The following PPM1L variants were observed in gnomAD, a reference collection of about 807,000 sequenced individuals.
PPM1L encodes the protein protein phosphatase, Mg2+/Mn2+ dependent 1L.
PPM1L carries 13 observed loss-of-function variants against 31.4 expected under a neutral mutation model. That is an observed-to-expected ratio of 0.41 (90% CI 0.27 to 0.66). PPM1L has a LOEUF of 0.66. Ranked by LOEUF, PPM1L falls within the 30% of genes least tolerant of loss-of-function variation. The pLI is 0.29. For missense variants in PPM1L, 326 were observed against 453.7 expected (o/e 0.72, Z 2.56); for synonymous variants, 184 against 175.4 (o/e 1.05, Z -0.39).
chr3:160,852,709 T>G (rs1711563632), intron 1 of PPM1L, among the ~76,000 whole-genome samples: 1 of 152,236 alleles, frequency 6.6e-6, no homozygotes, highest in Non-Finnish European at 1.5e-5. Context: ...GCAACTATGC[T>G]TTTAATATCG....
intron 2 of PPM1L, among the ~76,000 whole-genome samples, chr3:160,988,424 C>CA (rs1294397065): frequency 6.6e-6 from 1 of 152,074 alleles, no homozygotes; most frequent in Admixed American, 6.6e-5. Context: ...GAAGCAGATG[C>CA]AAAAAATCAG....
rs546713923 is a variant in PPM1L, at chr3:161,006,839, C to T, written c.574+44929C>T. Among the ~76,000 whole-genome samples the T allele has an allele frequency of 6.3e-4, 96 of 152,188 alleles. No homozygotes were observed. The East Asian group carries it at 7.8e-3, about 12-fold the overall frequency. On this transcript the variant is annotated intron_variant, in intron 2 of 3. Coordinates refer to ENST00000498165, the MANE Select transcript of PPM1L (RefSeq NM_139245.4). ...CTGGGACCACAGGCACCCGCCACCA[C>T]GCCCAGCTAATTTTTTGTAGTTTTA... is the stretch of plus-strand genomic sequence containing the variant.
intron 1 of PPM1L, among the ~76,000 whole-genome samples, chr3:160,797,222 T>A (rs1289135571): frequency 6.6e-6 from 1 of 152,192 alleles, no homozygotes; most frequent in African/African-American, 2.4e-5. Context: ...TTATTATTAT[T>A]ATATCTGTCC....
intron 2 of PPM1L, among the ~76,000 whole-genome samples, chr3:161,035,210 T>TAAAA (rs63163360): frequency 7.1e-6 from 1 of 139,982 alleles, no homozygotes; most frequent in Non-Finnish European, 1.6e-5. Context: ...AAAGTATAAT[T>TAAAA]AAAAAAAAAA....
intron 2 of PPM1L, among the ~76,000 whole-genome samples, chr3:161,016,607 A>G (rs1718094591): frequency 6.6e-6 from 1 of 152,068 alleles, no homozygotes. Flanking sequence ...TAGATGAGGA[A>G]CTCCTTGCCA....
At chr3:160,995,307 C>T (rs950324986) in intron 2 of PPM1L, among the ~76,000 whole-genome samples, 5 of 151,820 alleles carry the variant, frequency 3.3e-5, no homozygotes, top group African/African-American at 9.7e-5. Context: ...GTTTGTGATA[C>T]GTAGGTAGAG....
Position 160,887,062 on chromosome 3 carries a change from A to G in PPM1L, c.400-74674A>G, listed in dbSNP as rs1177769063. On this transcript the variant is annotated intron_variant, in intron 1 of 3. Transcript: ENST00000498165. ...ATATAGCACAAGAGCTTCGTGAAGC[A>G]TAGATAAGTATCAATAGCTGAATCA... Among the ~76,000 whole-genome samples the G allele has an allele frequency of 2.0e-5, 3 of 151,908 alleles. No individual in the cohort carries two copies. In the East Asian group the frequency reaches 5.8e-4, roughly 30 times the overall value.
intron 1 of PPM1L, among the ~76,000 whole-genome samples, chr3:160,778,632 C>A (rs1267756379): frequency 6.6e-6 from 1 of 152,142 alleles, no homozygotes; most frequent in Non-Finnish European, 1.5e-5. Context: ...AGAGACCTGT[C>A]CCAGTGGTTC....
intron 1 of PPM1L, among the ~76,000 whole-genome samples, chr3:160,774,869 C>T (rs764888884): frequency 6.6e-6 from 1 of 152,210 alleles, no homozygotes; most frequent in Non-Finnish European, 1.5e-5. Flanking sequence ...TAATTTTCCT[C>T]TCCAACCAGG....
rs1417696902 is a variant in PPM1L, at chr3:160,758,363, AAGGAAGCTGTGATTCCTTCCTTTGT to A, written c.399+1658_399+1682del. Among the ~76,000 whole-genome samples the A allele has an allele frequency of 6.6e-5, 10 of 152,280 alleles. No individual in the cohort carries two copies. In the South Asian group the frequency reaches 1.5e-3, roughly 22 times the overall value. Reference sequence around the variant, plus strand: ...TTTGTGCCTAAATTCAATGAGGGTGAAGGAAGCTGTGATTCCTTCCTTTGTAAATCATTTAACAAGCTTATATTTA... The same window carrying A: ...TTTGTGCCTAAATTCAATGAGGGTGAAAATCATTTAACAAGCTTATATTTA... On this transcript the variant is annotated intron_variant, in intron 1 of 3. Coordinates refer to ENST00000498165, the MANE Select transcript of PPM1L (RefSeq NM_139245.4).
chr3:160,998,480 CT>C (rs980077880), intron 2 of PPM1L, among the ~76,000 whole-genome samples: 1 of 151,928 alleles, frequency 6.6e-6, no homozygotes, highest in African/African-American at 2.4e-5. Context: ...TCTTCCCTCC[CT>C]TTTTTTTCCC....
intron 1 of PPM1L, among the ~76,000 whole-genome samples, chr3:160,909,566 C>G (rs1056948201): frequency 6.6e-6 from 1 of 152,080 alleles, no homozygotes; most frequent in Non-Finnish European, 1.5e-5. Context: ...GAACATAAGC[C>G]TGAAGATATT....
chr3:160,973,627 C>T (rs1011221941), intron 2 of PPM1L, among the ~76,000 whole-genome samples: 11 of 152,256 alleles, frequency 7.2e-5, no homozygotes, highest in Non-Finnish European at 1.5e-4. Flanking sequence ...CCTTGGTTGA[C>T]TCTCAGACTC....
At chr3:160,955,111 A>G (rs1355052154) in intron 1 of PPM1L, among the ~76,000 whole-genome samples, 1 of 151,696 alleles carries the variant, frequency 6.6e-6, no homozygotes, top group Non-Finnish European at 1.5e-5. Flanking sequence ...TCCGGGTTCA[A>G]GCGATTCTCC....
chr3:161,038,000 G>A (rs886603317), intron 2 of PPM1L, among the ~76,000 whole-genome samples: 2 of 151,774 alleles, frequency 1.3e-5, no homozygotes, highest in African/African-American at 4.8e-5. Context: ...TTGGGAGGCC[G>A]AGGCGGGCGG....
chr3:161,034,781 C>T (rs1204845101), intron 2 of PPM1L, among the ~76,000 whole-genome samples: 1 of 151,614 alleles, frequency 6.6e-6, no homozygotes, highest in Non-Finnish European at 1.5e-5. Flanking sequence ...CAGCAAACCA[C>T]CATGGCACGT....
chr3:160,792,176 GAC>G (rs1439525785), intron 1 of PPM1L, among the ~76,000 whole-genome samples: 3 of 152,160 alleles, frequency 2.0e-5, no homozygotes, highest in African/African-American at 7.2e-5. Flanking sequence ...GTGAGGCTAA[GAC>G]ACGTAACTAA....
intron 2 of PPM1L, among the ~76,000 whole-genome samples, chr3:161,062,081 C>A (rs1719588939): frequency 6.6e-6 from 1 of 152,002 alleles, no homozygotes; most frequent in East Asian, 1.9e-4. Flanking sequence ...CTGGGAAACA[C>A]ATAGGCTAGC....
chr3:161,054,167 A>G (rs535327424), intron 2 of PPM1L, among the ~76,000 whole-genome samples: 223 of 151,922 alleles, frequency 1.5e-3, no homozygotes, highest in Middle Eastern at 0.01. Flanking sequence ...GAAGCCCACA[A>G]AGATGGTTTG....
Sources: allele counts gnomAD v4.1 joint callset (sites outside exome capture counted in the v4.1 genomes callset), GRCh38; gene constraint gnomAD v4.1.1; transcripts MANE v1.5; gene names NCBI Gene and HGNC (gene_info 2026-07-23, HGNC 2026-07-21).